SNTN: variants seen among roughly 807,000 people sequenced by gnomAD.
The protein encoded by SNTN is sentan, cilia apical structure protein.
A neutral mutation model predicts 12.3 loss-of-function variants in SNTN; 13 were observed. The observed-to-expected ratio is 1.05, with a 90% confidence interval of 0.69 to 1.67. The LOEUF (loss-of-function observed/expected upper bound fraction) is 1.67, where lower values mean the gene tolerates loss of function less well. SNTN is among the 40% of genes most tolerant of loss of function. The pLI is 0.00. For synonymous variants in SNTN, 69 were observed against 58.5 expected, an observed-to-expected ratio of 1.18 and a Z score of -0.82; for missense variants, 189 against 169.8, an observed-to-expected ratio of 1.11 and a Z score of -0.63.
chr3:63,662,791 G>A (rs71298673), intron 3 of SNTN, among the ~76,000 whole-genome samples: 10,708 of 152,220 alleles, frequency 0.07, 520 homozygotes, highest in Middle Eastern at 0.13. Context: ...CTAGCACATG[G>A]GTGAGCATTT....
chr3:63,656,951 A>C (rs1559560403), intron 2 of SNTN, among the ~76,000 whole-genome samples: 1 of 152,282 alleles, frequency 6.6e-6, no homozygotes, highest in South Asian at 2.1e-4. Flanking sequence ...GTTGATACTA[A>C]GACATACCTC....
chr3:63,660,768 A>G (rs1700735077), intron 3 of SNTN, among the ~76,000 whole-genome samples: 1 of 152,156 alleles, frequency 6.6e-6, no homozygotes, highest in Admixed American at 6.5e-5. Context: ...AGGTTGTGTC[A>G]GTGTTTAGAT....
chr3:63,663,652 C>A, intron 3 of SNTN: 1 of 450,844 alleles, frequency 2.2e-6, no homozygotes, highest in South Asian at 2.3e-5. Flanking sequence ...ACCCTCCCTC[C>A]TCCTCTTGCC....
intron 2 of SNTN, among the ~76,000 whole-genome samples, chr3:63,658,158 T>G (rs1041697265): frequency 6.6e-6 from 1 of 152,120 alleles, no homozygotes; most frequent in Non-Finnish European, 1.5e-5. Flanking sequence ...TCAGATTTCT[T>G]CTGACCTGAG....
At chr3:63,661,383 C>A (rs912245766) in intron 3 of SNTN, among the ~76,000 whole-genome samples, 3 of 152,170 alleles carry the variant, frequency 2.0e-5, no homozygotes, top group Non-Finnish European at 2.9e-5. Flanking sequence ...TGCACACATA[C>A]ACATACATAA....
At chr3:63,663,896 T>C in intron 3 of SNTN, 41 bp from the exon 4 acceptor site, 1 of 1,595,614 alleles carries the variant, frequency 6.3e-7, no homozygotes, top group Non-Finnish European at 8.6e-7. Context: ...AAACCTAAAG[T>C]CTATACAACG....
intron 2 of SNTN, among the ~76,000 whole-genome samples, chr3:63,658,593 G>A (rs1038610184): frequency 2.0e-5 from 3 of 151,846 alleles, no homozygotes; most frequent in African/African-American, 7.3e-5. Context: ...ATAGGGACAA[G>A]GGTCTTGCTA....
At position 63,658,407 on chromosome 3, in the gene SNTN, T is replaced by TATATAC. The variant is rs1283664858; in HGVS notation, c.146-1313_146-1312insCATATA. Among the ~76,000 whole-genome samples, 46 of 78,094 alleles carry TATATAC rather than the reference T, an allele frequency of 5.9e-4. 1 individual carries two copies. Among genetic ancestry groups the TATATAC allele is most frequent in the East Asian group, 5.0e-3 (8 of 1,604 alleles). The allele number at this position is 78,094 out of a possible 152,430, so 51.2% of individuals were successfully genotyped here. On this transcript the variant is annotated intron_variant, in intron 2 of 3. Coordinates refer to ENST00000343837, the MANE Select transcript of SNTN (RefSeq NM_001080537.2). Reference sequence around the variant, plus strand: ...TCATACATCACAAGTTGTAAATATATATATATATATATATATATGTAAAAT... The same window carrying TATATAC: ...TCATACATCACAAGTTGTAAATATATATATACATATATATATATATATATGTAAAAT...
At position 63,655,289 on chromosome 3, in the gene SNTN, A is replaced by C. The variant is rs1280221414; in HGVS notation, c.145+493A>C. On this transcript the variant is annotated intron_variant, in intron 2 of 3. Coordinates refer to ENST00000343837, the MANE Select transcript of SNTN (RefSeq NM_001080537.2). ...TTTGGGACTAACAACATTGCCATGG[A>C]AATAACAATGTAAGAAAAAAACGCT... Among the ~76,000 whole-genome samples the C allele has an allele frequency of 3.3e-5, 5 of 152,166 alleles. 1 individual carries two copies. Among genetic ancestry groups the C allele is most frequent in the African/African-American group, 1.2e-4 (5 of 41,442 alleles).
chr3:63,652,922 A>C, intron 1 of SNTN, 125 bp downstream of exon 1: 1 of 733,276 alleles, frequency 1.4e-6, no homozygotes, highest in Non-Finnish European at 2.2e-6. Context: ...ACCTACCCTA[A>C]TCCGGCTTTA....
In SNTN at chr3:63,663,892, A is replaced by G. The variant is rs773063665; in HGVS notation, c.286-45A>G. 16 of 1,591,056 alleles carry G rather than the reference A, an allele frequency of 1.0e-5. No homozygotes were observed. The East Asian group carries it at 2.9e-4, about 29-fold the overall frequency. On this transcript the variant is annotated intron_variant, in intron 3 of 3. Coordinates refer to ENST00000343837, the MANE Select transcript of SNTN (RefSeq NM_001080537.2). ...ATTATTGTTTATGATCTGTAAACCTAAAGTCTATACAACGAATTCGGTTTT... is the reference window on the plus strand; with the variant it reads ...ATTATTGTTTATGATCTGTAAACCTGAAGTCTATACAACGAATTCGGTTTT...
Position 63,659,321 on chromosome 3 carries a change from T to C in SNTN, c.146-404T>C, listed in dbSNP as rs569714338. ...GTGATGCTGTGTCTGACACAGAATA[T>C]AAATTCCACAAGAGTAGGACTTCAT... is the stretch of plus-strand genomic sequence containing the variant. On this transcript the variant is annotated intron_variant, in intron 2 of 3. Coordinates refer to ENST00000343837, the MANE Select transcript of SNTN (RefSeq NM_001080537.2). Among the ~76,000 whole-genome samples the C allele has an allele frequency of 3.3e-5, 5 of 152,350 alleles. No individual in the cohort carries two copies. In the East Asian group the frequency reaches 9.7e-4, roughly 29 times the overall value.
chr3:63,653,422 G>A (rs1399512012), intron 1 of SNTN, among the ~76,000 whole-genome samples: 1 of 152,094 alleles, frequency 6.6e-6, no homozygotes, highest in East Asian at 1.9e-4. Flanking sequence ...TGGTGCAGAG[G>A]TTGTAGAAGA....
At chr3:63,660,062 A>C (rs1442395271) in intron 3 of SNTN, among the ~76,000 whole-genome samples, 198 bp downstream of exon 3, 1 of 152,188 alleles carries the variant, frequency 6.6e-6, no homozygotes, top group Non-Finnish European at 1.5e-5. Context: ...AGAAAGAAAT[A>C]CACTAAAAAA....
Position 63,665,032 on chromosome 3 carries a change from C to T in SNTN, c.*937C>T, listed in dbSNP as rs1370302274. 6.6e-6 allele frequency among the ~76,000 whole-genome samples: 1 copy of T among 152,116 alleles called. No homozygotes were observed. Among genetic ancestry groups the T allele is most frequent in the Non-Finnish European group, 1.5e-5 (1 of 68,044 alleles). ...CCTCCCAAAGTGCTGGGATTACAGG[C>T]TTGAGCCACCAAGTCTGGCCAAGGG... On this transcript the variant is annotated 3_prime_UTR_variant, in exon 4 of 4. Coordinates refer to ENST00000343837, the MANE Select transcript of SNTN (RefSeq NM_001080537.2).
intron 2 of SNTN, among the ~76,000 whole-genome samples, chr3:63,655,074 G>C (rs1700662008): frequency 6.6e-6 from 1 of 152,124 alleles, no homozygotes; most frequent in East Asian, 1.9e-4. Context: ...ACCATATCCA[G>C]TTGCGTCTCC....
Position 63,664,118 on chromosome 3 carries a change from AAAT to A in SNTN, c.*27_*29del, listed in dbSNP as rs751555477. On this transcript the variant is annotated 3_prime_UTR_variant, in exon 4 of 4. Transcript: ENST00000343837. Reference sequence around the variant, plus strand: ...TGAACAGTTTTAAATATGCTGTATAAAATAATGGCAAAAGACAGTGTTATTAAA... The same window carrying A: ...TGAACAGTTTTAAATATGCTGTATAAAATGGCAAAAGACAGTGTTATTAAA... 1 of 1,554,778 alleles carries A rather than the reference AAAT, an allele frequency of 6.4e-7. No individual in the cohort carries two copies. Among genetic ancestry groups the A allele is most frequent in the South Asian group, 1.2e-5 (1 of 83,780 alleles).
intron 2 of SNTN, 31 bp from the exon 3 acceptor site, chr3:63,659,694 G>A: frequency 6.2e-7 from 1 of 1,612,676 alleles, no homozygotes; most frequent in Non-Finnish European, 8.5e-7. Flanking sequence ...TCTAACTCAG[G>A]ATACTTTATT....
At chr3:63,654,925 T>C (rs1565983) in intron 2 of SNTN, 129 bp downstream of exon 2, 132,483 of 801,842 alleles carry the variant, frequency 0.17, 11,352 homozygotes, top group South Asian at 0.2. Flanking sequence ...AATCATCAAA[T>C]ATTCATGATG....
Sources: allele counts gnomAD v4.1 joint callset (sites outside exome capture counted in the v4.1 genomes callset), GRCh38; gene constraint gnomAD v4.1.1; transcripts MANE v1.5; gene names NCBI Gene and HGNC (gene_info 2026-07-23, HGNC 2026-07-21).